The following SLC6A3 variants were observed in gnomAD, a reference collection of about 807,000 sequenced individuals.
SLC6A3 encodes solute carrier family 6 member 3.
Under a neutral mutation model 70.4 loss-of-function variants are expected in SLC6A3, and 19 were observed. That is an observed-to-expected ratio of 0.27 (90% CI 0.19 to 0.40). SLC6A3 has a LOEUF of 0.40. Ranked by LOEUF, SLC6A3 falls within the 10% of genes least tolerant of loss-of-function variation. SLC6A3 has a pLI of 1.00. For synonymous variants in SLC6A3, 368 were observed against 356.6 expected (o/e 1.03, Z -0.36); for missense variants, 613 against 838.5 (o/e 0.73, Z 3.32).
chr5:1,402,844 G>A lies in SLC6A3; in HGVS notation c.1767+78C>T, dbSNP rs918652634. On this transcript the variant is annotated intron_variant, in intron 13 of 14. Transcript: ENST00000270349. The surrounding 1 kb of genome is among the most constrained non-coding windows in gnomAD (Gnocchi z 8.5). Reference sequence around the variant, plus strand: ...GGTCACAGATGACCCAGGCAGGTGAGGACTGGGGCCATGGACACCCACGGA... The same window carrying A: ...GGTCACAGATGACCCAGGCAGGTGAAGACTGGGGCCATGGACACCCACGGA... 20 of 1,431,522 alleles carry A rather than the reference G, an allele frequency of 1.4e-5. No homozygotes were observed. Among genetic ancestry groups the A allele is most frequent in the Non-Finnish European group, 1.7e-5 (17 of 1,030,120 alleles). The allele number at this position is 1,431,522 out of a possible 1,614,324, so 88.7% of individuals were successfully genotyped here.
intron 4 of SLC6A3, among the ~76,000 whole-genome samples, chr5:1,425,051 T>A (rs57212133): frequency 6.6e-6 from 1 of 152,148 alleles, no homozygotes; most frequent in Non-Finnish European, 1.5e-5. Flanking sequence ...AGGTGTTTCA[T>A]AAGCCATAAT....
At chr5:1,429,348 C>T (rs1241791460) in intron 4 of SLC6A3, among the ~76,000 whole-genome samples, 1 of 152,210 alleles carries the variant, frequency 6.6e-6, no homozygotes, top group African/African-American at 2.4e-5. Flanking sequence ...CCTTCTCCAA[C>T]TCCCCACGTC....
intron 1 of SLC6A3, 92 bp from the exon 2 acceptor site, chr5:1,443,334 C>T (rs907287126): frequency 3.3e-5 from 34 of 1,015,238 alleles, no homozygotes; most frequent in African/African-American, 1.7e-4. Context: ...GGCAGAGCCC[C>T]GAGGCATTCA....
rs1330791304 is a variant in SLC6A3, at chr5:1,406,027, T to C, written c.1599+161A>G. ...GGTGGAAGCCACCTTAAGGAGACTA[T>C]AGATGAGTTCAGGGATCAGCCTGTC... is the stretch of plus-strand genomic sequence containing the variant. On this transcript the variant is annotated intron_variant, in intron 12 of 14. Transcript: ENST00000270349. This position sits in a 1 kb window ranked among gnomAD's most constrained non-coding sequence, Gnocchi z 8.8. 2.6e-5 allele frequency among the ~76,000 whole-genome samples: 4 copies of C among 152,120 alleles called. No homozygotes were observed.
In SLC6A3 at chr5:1,410,087, T is replaced by G. The variant is rs533022966; in HGVS notation, c.1270-238A>C. On this transcript the variant is annotated intron_variant, in intron 9 of 14. Coordinates refer to ENST00000270349, the MANE Select transcript of SLC6A3 (RefSeq NM_001044.5). ...GGACCACTGTATCCACGGTAGGGGG[T>G]TTGCAGCCTCTTCGATGTCTCTGGG... 4.1e-4 allele frequency among the ~76,000 whole-genome samples: 62 copies of G among 152,074 alleles called. No individual in the cohort carries two copies. In the East Asian group the frequency reaches 0.011, roughly 28 times the overall value.
chr5:1,430,531 C>T (rs918558302), intron 4 of SLC6A3, among the ~76,000 whole-genome samples: 4 of 152,322 alleles, frequency 2.6e-5, no homozygotes, highest in African/African-American at 9.6e-5. Flanking sequence ...TGGTCCCTTT[C>T]CGGCAGCATC....
intron 7 of SLC6A3, 134 bp from the exon 8 acceptor site, chr5:1,414,949 G>C: frequency 9.0e-7 from 1 of 1,106,008 alleles, no homozygotes; most frequent in East Asian, 2.5e-5. Context: ...TTCCCAGTGA[G>C]CACGGCCAGC....
chr5:1,444,051 C>T (rs1733742912), intron 1 of SLC6A3, among the ~76,000 whole-genome samples: 2 of 152,148 alleles, frequency 1.3e-5, no homozygotes, highest in Non-Finnish European at 2.9e-5. Context: ...GCAAAATCAG[C>T]CACTGTAAAG....
intron 7 of SLC6A3, among the ~76,000 whole-genome samples, chr5:1,415,369 G>A (rs968729762): frequency 1.4e-4 from 21 of 152,122 alleles, no homozygotes; most frequent in Non-Finnish European, 1.5e-4. Context: ...CTGTCACTGG[G>A]GTGGAAGGAC....
chr5:1,417,336 C>G (rs1241828692), intron 6 of SLC6A3, among the ~76,000 whole-genome samples: 1 of 152,238 alleles, frequency 6.6e-6, no homozygotes, highest in African/African-American at 2.4e-5. Flanking sequence ...CCACATGCTG[C>G]ATGATGGCAG....
chr5:1,431,187 A>G (rs458632), intron 4 of SLC6A3, among the ~76,000 whole-genome samples: 47,123 of 151,976 alleles, frequency 0.31, 8,191 homozygotes, highest in East Asian at 0.51. Flanking sequence ...CACCCGCCAG[A>G]TCCAGATTCC....
At chr5:1,407,967 C>G (rs149087349) in intron 11 of SLC6A3, among the ~76,000 whole-genome samples, 1 of 146,886 alleles carries the variant, frequency 6.8e-6, no homozygotes, top group African/African-American at 2.5e-5. Context: ...TCACGCAGCA[C>G]CACAGACATT....
intron 7 of SLC6A3, 119 bp from the exon 8 acceptor site, chr5:1,414,934 T>C: frequency 1.5e-6 from 2 of 1,324,538 alleles, no homozygotes; most frequent in Non-Finnish European, 2.1e-6. Context: ...TCGGAGGGGC[T>C]ACTTTTCCCA....
In SLC6A3 at chr5:1,408,968, G is replaced by A. The variant is rs1756050485; in HGVS notation, c.1498+58C>T. The A allele has an allele frequency of 1.7e-6, 2 of 1,202,354 alleles. No individual in the cohort carries two copies. Among genetic ancestry groups the A allele is most frequent in the Non-Finnish European group, 2.5e-6 (2 of 810,450 alleles). 74.5% of individuals were successfully genotyped at this position (1,202,354 alleles called of 1,614,324 possible). A position where few individuals can be genotyped will look rare whatever the true frequency, so the allele number is the denominator to read the frequency against. On this transcript the variant is annotated intron_variant, in intron 11 of 14. Transcript: ENST00000270349. The surrounding 1 kb of genome is among the most constrained non-coding windows in gnomAD (Gnocchi z 6.4). ...CCTCACGGAGCCTTTTTCAGAAGGG[G>A]AGTGGCACAGCCACCAAACAAGAGG...
intron 4 of SLC6A3, 103 bp from the exon 5 acceptor site, chr5:1,422,117 G>T: frequency 7.9e-7 from 1 of 1,263,608 alleles, no homozygotes; most frequent in Non-Finnish European, 1.1e-6. Flanking sequence ...TCTCAGCAGG[G>T]CAGAAAGCAT....
At chr5:1,440,089 C>T (rs1021994015) in intron 3 of SLC6A3, among the ~76,000 whole-genome samples, 4 of 151,992 alleles carry the variant, frequency 2.6e-5, no homozygotes, top group Admixed American at 6.6e-5. Context: ...CATCAGCAGC[C>T]GGAAAGGTTC....
Position 1,405,866 on chromosome 5 carries a change from A to C in SLC6A3, c.1599+322T>G, listed in dbSNP as rs1272976198. On this transcript the variant is annotated intron_variant, in intron 12 of 14. Transcript: ENST00000270349. The surrounding 1 kb of genome is among the most constrained non-coding windows in gnomAD (Gnocchi z 5.3). ...AACTTCGACCTTGATCCTCACAGGCAGAGGTGAGTGGACAGCCCGACTCAC... is the reference window on the plus strand; with the variant it reads ...AACTTCGACCTTGATCCTCACAGGCCGAGGTGAGTGGACAGCCCGACTCAC... Among the ~76,000 whole-genome samples, 7 of 152,210 alleles carry C rather than the reference A, an allele frequency of 4.6e-5. No homozygotes were observed. The highest frequency in any genetic ancestry group is 8.8e-5 in the Non-Finnish European group (6 of 68,032).
intron 1 of SLC6A3, among the ~76,000 whole-genome samples, chr5:1,444,303 C>T (rs1733749049): frequency 6.6e-6 from 1 of 152,298 alleles, no homozygotes; most frequent in South Asian, 2.1e-4. Flanking sequence ...CCAGCCAGGG[C>T]GACTTCTGTC....
At position 1,413,758 on chromosome 5, in the gene SLC6A3, C is replaced by A. The variant is rs528036854; in HGVS notation, c.1156+933G>T. Among the ~76,000 whole-genome samples, 1 of 152,002 alleles carries A rather than the reference C, an allele frequency of 6.6e-6. No homozygotes were observed. The highest frequency in any genetic ancestry group is 1.5e-5 in the Non-Finnish European group (1 of 67,982). ...GGGGGCTCTGCTGGCTGACAGAGACCGAGAAGCCTTGGGACTCCCTGGAGC... is the reference window on the plus strand; with the variant it reads ...GGGGGCTCTGCTGGCTGACAGAGACAGAGAAGCCTTGGGACTCCCTGGAGC... On this transcript the variant is annotated intron_variant, in intron 8 of 14. Coordinates refer to ENST00000270349, the MANE Select transcript of SLC6A3 (RefSeq NM_001044.5). The surrounding 1 kb of genome is among the most constrained non-coding windows in gnomAD (Gnocchi z 7.1).
Sources: allele counts gnomAD v4.1 joint callset (sites outside exome capture counted in the v4.1 genomes callset), GRCh38; gene constraint gnomAD v4.1.1; non-coding constraint Gnocchi (gnomAD v3.1); transcripts MANE v1.5; gene names NCBI Gene and HGNC (gene_info 2026-07-23, HGNC 2026-07-21).